Variants in GOLGA4 observed in about 807,000 individuals in gnomAD.
The protein encoded by GOLGA4 is golgin A4.
Under a neutral mutation model 265.9 loss-of-function variants are expected in GOLGA4, and 169 were observed. The ratio of observed to expected loss-of-function variants is 0.64; its 90% CI spans 0.56 to 0.72. The LOEUF (loss-of-function observed/expected upper bound fraction) is 0.72. Ranked by LOEUF, GOLGA4 falls within the 30% of genes least tolerant of loss-of-function variation. The pLI, the probability that GOLGA4 is intolerant of heterozygous loss-of-function variation, is 0.00. For missense variants in GOLGA4, 2,482 were observed against 2,483.4 expected, an observed-to-expected ratio of 1.00 and a Z score of 0.01; for synonymous variants, 923 against 855.8, an observed-to-expected ratio of 1.08 and a Z score of -1.37.
intron 3 of GOLGA4, among the ~76,000 whole-genome samples, chr3:37,285,170 TTTTA>T (rs990083609): frequency 3.8e-5 from 5 of 132,458 alleles, no homozygotes; most frequent in African/African-American, 7.9e-5. Flanking sequence ...TTTTTTTTTT[TTTTA>T]AATTATAATA....
chr3:37,306,470 A>C (rs955892142), intron 10 of GOLGA4, among the ~76,000 whole-genome samples: 1 of 150,888 alleles, frequency 6.6e-6, no homozygotes, highest in Non-Finnish European at 1.5e-5. Flanking sequence ...TGTTAATGCT[A>C]CCGAAGTTCA....
At position 37,298,940 on chromosome 3, in the gene GOLGA4, C is replaced by G; in HGVS notation, c.922C>G (p.Gln308Glu). ...GGAAACAATTCAGTCACATAAGGAACAATGTACACTATTAACTAGTGAAAA... is the reference window on the plus strand; with the variant it reads ...GGAAACAATTCAGTCACATAAGGAAGAATGTACACTATTAACTAGTGAAAA... ...CKETIQSHKE[Q>E]CTLLTSEKEA... is the part of the protein sequence containing the mutation. The change falls in exon 8 of 24, where the codon CAA becomes GAA. Residue 308 changes from glutamine (Q) to glutamate (E), a missense_variant. Transcript: ENST00000361924. 6.2e-7 allele frequency: 1 copy of G among 1,612,462 alleles called. No individual in the cohort carries two copies. The highest frequency in any genetic ancestry group is 1.1e-5 in the South Asian group (1 of 90,990).
Position 37,296,213 on chromosome 3 carries a change from C to T in GOLGA4, c.808C>T (p.Pro270Ser), listed in dbSNP as rs906043512. 4 of 1,613,772 alleles carry T rather than the reference C, an allele frequency of 2.5e-6. No individual in the cohort carries two copies. The change falls in exon 7 of 24, where the codon CCA becomes TCA. Residue 270 changes from proline to serine, a missense_variant. By Grantham distance (74) the Pro-to-Ser change is moderately conservative. Coordinates refer to ENST00000361924, the MANE Select transcript of GOLGA4 (RefSeq NM_002078.5). ...AGAGAATCCAGAAAGTGATGGAGAG[C>T]CAGTAGGTAAGCTTCATTTTGTCAA... Reference protein sequence around the residue: ...KEENPESDGEPVVEDGTSVKT... With the variant: ...KEENPESDGESVVEDGTSVKT...
intron 18 of GOLGA4, 78 bp downstream of exon 18, chr3:37,337,241 C>A: frequency 1.2e-6 from 1 of 801,164 alleles, no homozygotes; most frequent in South Asian, 1.6e-5. Context: ...AGGCTGTTGC[C>A]CAGGCTGGAG....
chr3:37,319,275 A>G, intron 12 of GOLGA4, 81 bp downstream of exon 12: 1 of 1,166,932 alleles, frequency 8.6e-7, no homozygotes. Flanking sequence ...GTTGCATTCC[A>G]GTTGGAAGTC....
At chr3:37,296,332 G>C in intron 7 of GOLGA4, 113 bp downstream of exon 7, 1 of 1,028,848 alleles carries the variant, frequency 9.7e-7, no homozygotes, top group Non-Finnish European at 1.4e-6. Flanking sequence ...GATCGCTTGA[G>C]TTCAGGAGTT....
rs553456166 is a variant in GOLGA4 at position 37,309,144 on chromosome 3, C to T, written c.1235-6276C>T. 8.4e-4 allele frequency among the ~76,000 whole-genome samples: 127 copies of T among 151,582 alleles called. 1 individual carries two copies. Among genetic ancestry groups the T allele is most frequent in the Non-Finnish European group, 8.8e-4 (60 of 67,908 alleles). On this transcript the variant is annotated intron_variant, in intron 10 of 23. Coordinates refer to ENST00000361924, the MANE Select transcript of GOLGA4 (RefSeq NM_002078.5). ...GCGCGTGCTTGTAGTCCCAGCTACT[C>T]GGGAAGTTGAGGCAGGAGAATCGCT...
chr3:37,275,694 T>C, intron 2 of GOLGA4: 2 of 1,611,942 alleles, frequency 1.2e-6, no homozygotes, highest in South Asian at 1.1e-5. Context: ...GCCGGAGCCA[T>C]GGAGGACGAA....
At chr3:37,334,588 C>T (rs1472210095) in intron 16 of GOLGA4, among the ~76,000 whole-genome samples, 1 of 152,124 alleles carries the variant, frequency 6.6e-6, no homozygotes, top group Non-Finnish European at 1.5e-5. Flanking sequence ...TATAAAAATA[C>T]CTACTACTTT....
chr3:37,295,019 A>T lies in GOLGA4; in HGVS notation c.623A>T (p.Glu208Val). 6.2e-7 allele frequency: 1 copy of T among 1,611,490 alleles called. No homozygotes were observed. The highest frequency in any genetic ancestry group is 1.1e-5 in the South Asian group (1 of 90,682). The change falls in exon 6 of 24, where the codon GAG becomes GTG. Residue 208 changes from glutamate to valine, a missense_variant. Transcript: ENST00000361924. ...MDQQAKKHLQEEFDASLEEKD... is the reference protein window; with the variant it reads ...MDQQAKKHLQVEFDASLEEKD... ...CAGCAGGCAAAGAAACATCTGCAAG[A>T]GGAGTTTGATGCATCTTTAGAGGAG... is the stretch of plus-strand genomic sequence containing the variant.
At chr3:37,363,502 T>C (rs1173195935) in intron 23 of GOLGA4, among the ~76,000 whole-genome samples, 1 of 152,236 alleles carries the variant, frequency 6.6e-6, no homozygotes, top group African/African-American at 2.4e-5. Context: ...CTTCACCTAG[T>C]AATGTTTGGC....
At chr3:37,330,710 T>A (rs1438048620) in intron 16 of GOLGA4, among the ~76,000 whole-genome samples, 1 of 152,140 alleles carries the variant, frequency 6.6e-6, no homozygotes, top group Non-Finnish European at 1.5e-5. Context: ...TCCTGTGCCT[T>A]GGACCAGCAC....
chr3:37,295,861 C>T (rs895046872), intron 6 of GOLGA4, among the ~76,000 whole-genome samples: 10 of 152,154 alleles, frequency 6.6e-5, no homozygotes, highest in Non-Finnish European at 1.0e-4. Flanking sequence ...ATAGCATTTT[C>T]ATTATTTAGG....
At chr3:37,311,713 T>G (rs1163169087) in intron 10 of GOLGA4, among the ~76,000 whole-genome samples, 1 of 152,178 alleles carries the variant, frequency 6.6e-6, no homozygotes, top group Non-Finnish European at 1.5e-5. Context: ...TAAATTTAGA[T>G]GAAAAGAACT....
chr3:37,295,749 G>A (rs1416520676), intron 6 of GOLGA4, among the ~76,000 whole-genome samples: 2 of 152,140 alleles, frequency 1.3e-5, no homozygotes, highest in African/African-American at 2.4e-5. Flanking sequence ...TCAACCAACT[G>A]GATCAGAAAT....
At chr3:37,315,912 G>A (rs189196532) in intron 11 of GOLGA4, among the ~76,000 whole-genome samples, 21 of 152,302 alleles carry the variant, frequency 1.4e-4, no homozygotes, top group Admixed American at 7.8e-4. Context: ...ATATCCTCCA[G>A]AGAACTTGGC....
chr3:37,279,207 A>G (rs1166157733), intron 2 of GOLGA4, among the ~76,000 whole-genome samples: 3 of 152,186 alleles, frequency 2.0e-5, no homozygotes, highest in African/African-American at 4.8e-5. Context: ...AAAGTATCCT[A>G]TAAAGATTGA....
intron 20 of GOLGA4, among the ~76,000 whole-genome samples, chr3:37,345,836 G>C (rs902145586): frequency 2.6e-5 from 4 of 151,738 alleles, no homozygotes; most frequent in African/African-American, 9.7e-5. Context: ...AATCTCAGCT[G>C]CTCGGTAGGC....
At chr3:37,286,757 A>C (rs1044440681) in intron 4 of GOLGA4, among the ~76,000 whole-genome samples, 2 of 152,226 alleles carry the variant, frequency 1.3e-5, no homozygotes, top group African/African-American at 4.8e-5. Flanking sequence ...AAATACCTGC[A>C]GACATCTGTT....
Sources: gnomAD v4.1 joint callset for allele counts (sites outside exome capture counted in the v4.1 genomes callset) on GRCh38, gnomAD v4.1.1 for gene constraint, MANE v1.5 for transcripts, NCBI Gene and HGNC (gene_info 2026-07-23, HGNC 2026-07-21) for gene names.